The following HIVEP1 variants were observed in gnomAD, a reference collection of about 807,000 sequenced individuals.
HIVEP1 encodes the protein HIVEP zinc finger 1, also known as zinc finger protein 40.
Under a neutral mutation model 180.0 loss-of-function variants are expected in HIVEP1, and 36 were observed. The observed-to-expected ratio is 0.20, with a 90% confidence interval of 0.15 to 0.26. The LOEUF is 0.26. Among genes scored for constraint, HIVEP1 ranks in the 10% least tolerant of loss-of-function variants. HIVEP1 has a pLI of 1.00. For synonymous variants in HIVEP1, 1,239 were observed against 1,239.0 expected (o/e 1.00, Z 0.00); for missense variants, 3,143 against 3,268.7 (o/e 0.96, Z 0.94).
chr6:12,165,130 C>T (rs219950), downstream of HIVEP1: 171,029 of 510,486 alleles, frequency 0.34, 29,666 homozygotes, highest in African/African-American at 0.4. Context: ...AGACTTTACT[C>T]GCCTTTCTAC....
intron 7 of HIVEP1, among the ~76,000 whole-genome samples, chr6:12,154,310 CAG>C: frequency 6.6e-6 from 1 of 152,278 alleles, no homozygotes; most frequent in East Asian, 1.9e-4. Context: ...CTGTAAGAAA[CAG>C]ATTTAAAATT....
At position 12,122,084 on chromosome 6, in the gene HIVEP1, A is replaced by T; in HGVS notation, c.2289A>T (p.Gln763His). 1 of 1,614,210 alleles carries T rather than the reference A, an allele frequency of 6.2e-7. No homozygotes were observed. The highest frequency in any genetic ancestry group is 1.6e-4 in the Middle Eastern group (1 of 6,062). ...ATGAAGCTTTGGTAGATGACAAGCA[A>T]CTGGATAGTGTGAAGCCGCGGAGAA... ...SDNEALVDDKQLDSVKPRRTS... is the reference protein window; with the variant it reads ...SDNEALVDDKHLDSVKPRRTS... The change falls in exon 4 of 9, where the codon CAA becomes CAT. Residue 763 changes from glutamine (Q) to histidine (H), a missense_variant. Gln to His is a conservative substitution (Grantham distance 24, BLOSUM62 0). Transcript: ENST00000379388.
Position 12,164,414 on chromosome 6 carries a change from G to A in HIVEP1, c.8110G>A (p.Asp2704Asn), listed in dbSNP as rs760461967. 24 of 1,613,706 alleles carry A rather than the reference G, an allele frequency of 1.5e-5. No individual in the cohort carries two copies. Among genetic ancestry groups the A allele is most frequent in the Non-Finnish European group, 2.0e-5 (24 of 1,179,958 alleles). The part of the protein sequence containing the change: ...PRRQPTVHFS[D>N]VSSDDDEDRL... ...GAGGCAGCCCACTGTGCACTTCAGCGACGTGAGCAGCGATGATGACGAGGA... is the reference window on the plus strand; with the variant it reads ...GAGGCAGCCCACTGTGCACTTCAGCAACGTGAGCAGCGATGATGACGAGGA... Residue 2704 changes from aspartate (D) to asparagine (N), a missense_variant, in exon 9 of 9, where the codon GAC becomes AAC. Physicochemically the swap from Asp to Asn is conservative, Grantham distance 23 (BLOSUM62 1). This residue lies in a region of HIVEP1 where 11 missense variants were observed against 24.0 expected (regional missense o/e 0.46). Transcript: ENST00000379388.
chr6:12,107,123 G>A (rs1774480476), intron 3 of HIVEP1, among the ~76,000 whole-genome samples: 2 of 152,244 alleles, frequency 1.3e-5, no homozygotes, highest in Middle Eastern at 3.4e-3. Flanking sequence ...CCTTGAATAT[G>A]CATACCCTAG....
chr6:12,168,411 A>G (rs1329325257), downstream of HIVEP1, among the ~76,000 whole-genome samples: 3 of 141,592 alleles, frequency 2.1e-5, no homozygotes, highest in Non-Finnish European at 4.6e-5. Flanking sequence ...TATATAATAT[A>G]TTTTAGTGGC....
chr6:12,137,248 T>C (rs2113594882), intron 7 of HIVEP1, among the ~76,000 whole-genome samples: 1 of 152,340 alleles, frequency 6.6e-6, no homozygotes, highest in South Asian at 2.1e-4. Context: ...TATTATAGTA[T>C]ATACTCATGT....
At chr6:12,206,499 C>T in the HIVEP1 span, among the ~76,000 whole-genome samples, 1 of 152,108 alleles carries the variant, frequency 6.6e-6, no homozygotes, top group East Asian at 1.9e-4. Flanking sequence ...AGAGAGAATG[C>T]CACATGAGGA....
At chr6:12,070,044 A>G (rs906287196) in intron 2 of HIVEP1, among the ~76,000 whole-genome samples, 2 of 152,124 alleles carry the variant, frequency 1.3e-5, no homozygotes, top group African/African-American at 4.8e-5. Flanking sequence ...ATCTTGTCCC[A>G]CGGAAGGTCT....
chr6:12,131,013 C>G, intron 6 of HIVEP1, 71 bp downstream of exon 6: 1 of 1,123,122 alleles, frequency 8.9e-7, no homozygotes, highest in South Asian at 1.8e-5. Flanking sequence ...CCCAACTGTG[C>G]GTTTTCTTTG....
rs557841914 is a variant in HIVEP1 at position 12,049,660 on chromosome 6, TAGAA to T, written c.40+34000_40+34003del. Among the ~76,000 whole-genome samples the T allele has an allele frequency of 8.5e-5, 13 of 152,320 alleles. No homozygotes were observed. The South Asian group carries it at 2.3e-3, about 27-fold the overall frequency. On this transcript the variant is annotated intron_variant, in intron 2 of 8. Transcript: ENST00000379388. Reference sequence around the variant, plus strand: ...TCAGATAATAAATGCTATTTATATGTAGAAAGAAAGATGGAGGGATGATTTACAG... The same window carrying T: ...TCAGATAATAAATGCTATTTATATGTAGAAAGATGGAGGGATGATTTACAG...
intron 7 of HIVEP1, among the ~76,000 whole-genome samples, chr6:12,158,836 CAGGGGAGAT>C (rs1474594808): frequency 6.6e-6 from 1 of 152,172 alleles, no homozygotes; most frequent in Non-Finnish European, 1.5e-5. Context: ...CTGGTGGAGA[CAGGGGAGAT>C]GGATCCAGGT....
chr6:12,163,781 A>G lies in HIVEP1; in HGVS notation c.7477A>G (p.Met2493Val). The change falls in exon 9 of 9, where the codon ATG becomes GTG. Residue 2493 changes from methionine (M) to valine (V), a missense_variant. This residue lies in a region of HIVEP1 where 595 missense variants were observed against 602.2 expected (regional missense o/e 0.99). Transcript: ENST00000379388. ...CTTGCAGTCACTCCCCTCGTTAAGCATGGAAACCGTCAATATTGTAGGCCT... is the reference window on the plus strand; with the variant it reads ...CTTGCAGTCACTCCCCTCGTTAAGCGTGGAAACCGTCAATATTGTAGGCCT... ...PGLQSLPSLSMETVNIVGLAN... is the reference protein window; with the variant it reads ...PGLQSLPSLSVETVNIVGLAN... 4.3e-6 allele frequency: 7 copies of G among 1,614,160 alleles called. No individual in the cohort carries two copies. Among genetic ancestry groups the G allele is most frequent in the Non-Finnish European group, 5.9e-6 (7 of 1,180,036 alleles).
At position 12,123,267 on chromosome 6, in the gene HIVEP1, T is replaced by G. The variant is rs766492283; in HGVS notation, c.3472T>G (p.Ser1158Ala). Residue 1158 changes from serine (S) to alanine (A), a missense_variant, in exon 4 of 9, where the codon TCC becomes GCC. By Grantham distance (99) the Ser-to-Ala change is moderately conservative. Coordinates refer to ENST00000379388, the MANE Select transcript of HIVEP1 (RefSeq NM_002114.4). ...CAAGCCTGAGCCTTTTGAAAGAGCC[T>G]CCCCAGTTTCTTTCCAGGAGCTGAA... ...FDKPEPFERASPVSFQELNRT... is the reference protein window; with the variant it reads ...FDKPEPFERAAPVSFQELNRT... The G allele has an allele frequency of 5.0e-6, 8 of 1,614,058 alleles. No individual in the cohort carries two copies. The highest frequency in any genetic ancestry group is 6.8e-6 in the Non-Finnish European group (8 of 1,180,004).
intron 2 of HIVEP1, among the ~76,000 whole-genome samples, chr6:12,083,499 GCAAA>G (rs1203552639): frequency 6.6e-6 from 1 of 152,082 alleles, no homozygotes; most frequent in East Asian, 1.9e-4. Context: ...TGGAAAGCAA[GCAAA>G]CAGACTCTCA....
chr6:12,051,001 C>CACATATATATATATATATATAT (rs1770478667), intron 2 of HIVEP1, among the ~76,000 whole-genome samples: 1 of 77,600 alleles, frequency 1.3e-5, no homozygotes, highest in Non-Finnish European at 2.6e-5. Context: ...TACACAAGTG[C>CACATATATATATATATATATAT]ATATATATAT....
the HIVEP1 span, among the ~76,000 whole-genome samples, chr6:12,180,878 G>T: frequency 6.6e-6 from 1 of 152,166 alleles, no homozygotes; most frequent in Admixed American, 6.5e-5. Context: ...TGAAAAAGAT[G>T]TATCTTCAAG....
At chr6:12,186,963 A>G in the HIVEP1 span, among the ~76,000 whole-genome samples, 1 of 152,206 alleles carries the variant, frequency 6.6e-6, no homozygotes, top group Non-Finnish European at 1.5e-5. Flanking sequence ...AAAATCTGGA[A>G]CTAAAAAAGT....
chr6:12,166,038 C>T (rs1214739130), downstream of HIVEP1, among the ~76,000 whole-genome samples: 1 of 152,144 alleles, frequency 6.6e-6, no homozygotes, highest in African/African-American at 2.4e-5. Context: ...CTCTCAAAAA[C>T]AATAAAACTA....
In HIVEP1 at chr6:12,035,388, T is replaced by C. The variant is rs1038445380; in HGVS notation, c.40+19720T>C. ...TGAGGAAAAAACTGCAAGCATGCTTTTTCTTCTTTTTTAATGAAATAAGAA... is the reference window on the plus strand; with the variant it reads ...TGAGGAAAAAACTGCAAGCATGCTTCTTCTTCTTTTTTAATGAAATAAGAA... On this transcript the variant is annotated intron_variant, in intron 2 of 8. Coordinates refer to ENST00000379388, the MANE Select transcript of HIVEP1 (RefSeq NM_002114.4). Among the ~76,000 whole-genome samples, 6 of 152,234 alleles carry C rather than the reference T, an allele frequency of 3.9e-5. No homozygotes were observed. In the South Asian group the frequency reaches 1.2e-3, roughly 31 times the overall value.
Sources: gnomAD v4.1 joint callset for allele counts (sites outside exome capture counted in the v4.1 genomes callset) on GRCh38, gnomAD v4.1.1 for gene constraint, gnomAD v4.1.1 regional missense constraint, MANE v1.5 for transcripts, NCBI Gene and HGNC (gene_info 2026-07-23, HGNC 2026-07-21) for gene names.